Variants in TAMM41 observed in about 807,000 individuals in gnomAD.
TAMM41 encodes the protein phosphatidate cytidylyltransferase, mitochondrial.
TAMM41 carries 36 observed loss-of-function variants against 44.1 expected under a neutral mutation model. That is an observed-to-expected ratio of 0.82 (90% CI 0.63 to 1.08). The LOEUF (loss-of-function observed/expected upper bound fraction) is 1.08. TAMM41 is among the 50% of genes least tolerant of loss of function. The pLI, the probability that TAMM41 is intolerant of heterozygous loss-of-function variation, is 0.00. For synonymous variants in TAMM41, 164 were observed against 153.1 expected, an observed-to-expected ratio of 1.07 and a Z score of -0.53; for missense variants, 417 against 404.3, an observed-to-expected ratio of 1.03 and a Z score of -0.27.
In TAMM41 at chr3:11,807,218, C is replaced by T. The variant is rs912031012; in HGVS notation, c.937+615G>A. On this transcript the variant is annotated intron_variant, in intron 7 of 7. Transcript: ENST00000455809. ...TTATGCAGGGAAGGAAAGGTGTACT[C>T]TGTGGCTCACCATACCATCAAACTG... The T allele has an allele frequency of 6.3e-6, 9 of 1,426,664 alleles. No homozygotes were observed. In the Admixed American group the frequency reaches 2.4e-4, roughly 38 times the overall value. The allele number at this position is 1,426,664 out of a possible 1,614,324, so 88.4% of individuals were successfully genotyped here.
At chr3:11,747,305 AC>A in the TAMM41 span, among the ~76,000 whole-genome samples, 2 of 151,442 alleles carry the variant, frequency 1.3e-5, no homozygotes, top group Non-Finnish European at 2.9e-5. Flanking sequence ...CAGATGGTCC[AC>A]CCACCTTGGC....
chr3:11,806,629 T>TA (rs1363476132), intron 7 of TAMM41, among the ~76,000 whole-genome samples: 2 of 151,972 alleles, frequency 1.3e-5, no homozygotes, highest in Non-Finnish European at 2.9e-5. Flanking sequence ...AATATCTGAA[T>TA]AAAAGGAGTT....
the TAMM41 span, among the ~76,000 whole-genome samples, chr3:11,762,797 C>G: frequency 4.6e-5 from 7 of 152,204 alleles, no homozygotes; most frequent in Admixed American, 6.5e-5. Flanking sequence ...CGTTGGCTCA[C>G]TCCTGTAATC....
the TAMM41 span, among the ~76,000 whole-genome samples, chr3:11,772,218 CT>C: frequency 6.6e-6 from 1 of 151,470 alleles, no homozygotes; most frequent in Non-Finnish European, 1.5e-5. Flanking sequence ...CTACAGGCGC[CT>C]GCCACCACAG....
chr3:11,788,824 C>G (rs1003997385), downstream of TAMM41, among the ~76,000 whole-genome samples: 1 of 152,018 alleles, frequency 6.6e-6, no homozygotes, highest in African/African-American at 2.4e-5. Context: ...GTAATCCCAG[C>G]TACTCGGGAC....
At chr3:11,802,814 A>G (rs1003430905) in intron 7 of TAMM41, among the ~76,000 whole-genome samples, 2 of 152,238 alleles carry the variant, frequency 1.3e-5, no homozygotes, top group South Asian at 4.1e-4. Context: ...AAATACTAGC[A>G]AATTAAATCC....
the TAMM41 span, among the ~76,000 whole-genome samples, chr3:11,783,848 T>C: frequency 6.6e-6 from 1 of 152,218 alleles, no homozygotes; most frequent in African/African-American, 2.4e-5. Context: ...TGTGTGACTT[T>C]AGGCAAGGTA....
At chr3:11,767,126 T>A in the TAMM41 span, among the ~76,000 whole-genome samples, 1 of 152,150 alleles carries the variant, frequency 6.6e-6, no homozygotes, top group Non-Finnish European at 1.5e-5. Flanking sequence ...TGGAGTGCAG[T>A]GGCATGATCT....
the TAMM41 span, among the ~76,000 whole-genome samples, chr3:11,759,684 A>G: frequency 1.3e-5 from 2 of 152,246 alleles, no homozygotes; most frequent in South Asian, 4.1e-4. Context: ...GTTTAAGAAA[A>G]CATTCCTGGC....
chr3:11,786,503 C>G (rs545755357), downstream of TAMM41, among the ~76,000 whole-genome samples: 1 of 151,686 alleles, frequency 6.6e-6, no homozygotes, highest in African/African-American at 2.4e-5. Flanking sequence ...TGGGGTTTCA[C>G]CATGTTGGCC....
chr3:11,795,071 A>C (rs906945908), intron 7 of TAMM41, among the ~76,000 whole-genome samples: 2 of 152,198 alleles, frequency 1.3e-5, no homozygotes, highest in Non-Finnish European at 2.9e-5. Context: ...AGAAATCAGA[A>C]GCAGAGGATA....
intron 1 of TAMM41, 32 bp downstream of exon 1, chr3:11,846,468 GAC>G (rs1559338329): frequency 6.2e-7 from 1 of 1,613,514 alleles, no homozygotes; most frequent in Non-Finnish European, 8.5e-7. Flanking sequence ...CGTGAGAACA[GAC>G]AGTTCCCCGT....
the TAMM41 span, among the ~76,000 whole-genome samples, chr3:11,782,281 C>T: frequency 2.0e-5 from 3 of 152,022 alleles, no homozygotes; most frequent in South Asian, 2.1e-4. Flanking sequence ...TGTGGTGGCT[C>T]ACACCTGTAG....
chr3:11,793,564 A>G (rs2124915158), intron 7 of TAMM41, among the ~76,000 whole-genome samples: 1 of 152,388 alleles, frequency 6.6e-6, no homozygotes, highest in South Asian at 2.1e-4. Flanking sequence ...CACTACTTCT[A>G]ATAGTCCCAA....
intron 7 of TAMM41, among the ~76,000 whole-genome samples, chr3:11,798,084 T>C (rs2077654012): frequency 6.6e-6 from 1 of 152,138 alleles, no homozygotes; most frequent in South Asian, 2.1e-4. Flanking sequence ...TGGAAGACAA[T>C]GTGCCGATTC....
chr3:11,793,106 G>T lies in TAMM41; in HGVS notation c.938-2525C>A, dbSNP rs967123799. Among the ~76,000 whole-genome samples the T allele has an allele frequency of 9.2e-4, 137 of 148,692 alleles. 1 individual carries two copies. Among genetic ancestry groups the T allele is most frequent in the Non-Finnish European group, 7.1e-4 (48 of 67,692 alleles). On this transcript the variant is annotated intron_variant, in intron 7 of 7. Transcript: ENST00000455809. Reference sequence around the variant, plus strand: ...AAAAGAGAGTGAAATGACAAGCCACGGAGTGGGGGATTTTGACATCACATG... The same window carrying T: ...AAAAGAGAGTGAAATGACAAGCCACTGAGTGGGGGATTTTGACATCACATG...
At chr3:11,743,165 C>T in the TAMM41 span, among the ~76,000 whole-genome samples, 33,195 of 151,698 alleles carry the variant, frequency 0.22, 3,777 homozygotes, top group East Asian at 0.36. Context: ...TGGAGGTTTG[C>T]GTGTCCATGT....
chr3:11,745,336 A>T, the TAMM41 span, among the ~76,000 whole-genome samples: 1 of 152,244 alleles, frequency 6.6e-6, no homozygotes, highest in African/African-American at 2.4e-5. Flanking sequence ...GTCTCAAAAA[A>T]TAAATCAATA....
At chr3:11,722,216 T>C in the TAMM41 span, among the ~76,000 whole-genome samples, 3 of 152,160 alleles carry the variant, frequency 2.0e-5, no homozygotes, top group Non-Finnish European at 2.9e-5. Context: ...CCTTTTCTCA[T>C]GGATGTGACC....
Sources: gnomAD v4.1 joint callset for allele counts (sites outside exome capture counted in the v4.1 genomes callset) on GRCh38, gnomAD v4.1.1 for gene constraint, MANE v1.5 for transcripts, NCBI Gene and HGNC (gene_info 2026-07-23, HGNC 2026-07-21) for gene names.